Variants in MAPRE3 observed in about 807,000 individuals in gnomAD.
MAPRE3 encodes microtubule associated protein RP/EB family member 3.
In MAPRE3, 2 loss-of-function variants were observed where a neutral mutation model predicts 30.5. That is an observed-to-expected ratio of 0.07 (90% CI 0.03 to 0.21). MAPRE3 has a LOEUF of 0.21. Among genes scored for constraint, MAPRE3 ranks in the 10% least tolerant of loss-of-function variants. MAPRE3 has a pLI of 1.00. For missense variants in MAPRE3, 204 were observed against 351.8 expected, an observed-to-expected ratio of 0.58 and a Z score of 3.36; for synonymous variants, 110 against 127.7, an observed-to-expected ratio of 0.86 and a Z score of 0.93.
intron 1 of MAPRE3, among the ~76,000 whole-genome samples, chr2:26,979,127 C>T (rs1042912283): frequency 1.3e-5 from 2 of 152,186 alleles, no homozygotes; most frequent in Admixed American, 6.5e-5. Context: ...TGAAGACACA[C>T]TGGAGCTGGG....
chr2:27,021,680 C>T (rs541670585), intron 1 of MAPRE3, among the ~76,000 whole-genome samples: 1 of 152,298 alleles, frequency 6.6e-6, no homozygotes. Flanking sequence ...CATTGTGCCA[C>T]ACCCCAACAG....
intron 1 of MAPRE3, among the ~76,000 whole-genome samples, chr2:27,005,965 G>A (rs1457776169): frequency 6.6e-6 from 1 of 152,114 alleles, no homozygotes; most frequent in African/African-American, 2.4e-5. Context: ...GGCGGATCAC[G>A]AGGTCAGGAG....
chr2:26,977,949 C>T (rs545572672), intron 1 of MAPRE3, among the ~76,000 whole-genome samples: 1 of 152,360 alleles, frequency 6.6e-6, no homozygotes, highest in African/African-American at 2.4e-5. Flanking sequence ...AACATATGGC[C>T]TGTCACATAG....
Position 27,015,847 on chromosome 2 carries a change from C to T in MAPRE3, c.-7-6365C>T, listed in dbSNP as rs988637593. ...ATCGCCTGGGAAGGAAGCAGATGGT[C>T]TCTAGAAACCCTTCTGACCATGGGT... On this transcript the variant is annotated intron_variant, in intron 1 of 6. Coordinates refer to ENST00000233121, the MANE Select transcript of MAPRE3 (RefSeq NM_012326.4). This position sits in a 1 kb window ranked among gnomAD's most constrained non-coding sequence, Gnocchi z 4.0. 2.0e-5 allele frequency among the ~76,000 whole-genome samples: 3 copies of T among 152,170 alleles called. No individual in the cohort carries two copies. The highest frequency in any genetic ancestry group is 7.2e-5 in the African/African-American group (3 of 41,442).
intron 1 of MAPRE3, among the ~76,000 whole-genome samples, chr2:26,972,809 A>G (rs908036511): frequency 2.0e-5 from 3 of 152,242 alleles, no homozygotes; most frequent in African/African-American, 7.2e-5. Flanking sequence ...ACATTTTCAG[A>G]GGATCAGAGT....
chr2:26,998,025 G>T (rs1026780565), intron 1 of MAPRE3, among the ~76,000 whole-genome samples: 8 of 152,176 alleles, frequency 5.3e-5, no homozygotes, highest in Non-Finnish European at 1.2e-4. Flanking sequence ...TAGACATGCT[G>T]CCTTTAACCA....
In MAPRE3 at chr2:26,972,283, T is replaced by C. The variant is rs115085678; in HGVS notation, c.-8+1481T>C. 5.0e-3 allele frequency among the ~76,000 whole-genome samples: 763 copies of C among 152,352 alleles called. 6 individuals carry two copies. Among genetic ancestry groups the C allele is most frequent in the Non-Finnish European group, 8.1e-3 (554 of 68,032 alleles). On this transcript the variant is annotated intron_variant, in intron 1 of 6. Coordinates refer to ENST00000233121, the MANE Select transcript of MAPRE3 (RefSeq NM_012326.4). ...AATCATGGTGAAGGAGCCACTCATTTGGAGTTTCCGGGGTTGCAAACAATG... is the reference window on the plus strand; with the variant it reads ...AATCATGGTGAAGGAGCCACTCATTCGGAGTTTCCGGGGTTGCAAACAATG...
At chr2:26,987,376 C>CT (rs1666245621) in intron 1 of MAPRE3, among the ~76,000 whole-genome samples, 1 of 152,156 alleles carries the variant, frequency 6.6e-6, no homozygotes, top group Non-Finnish European at 1.5e-5. Context: ...GTGGCTCACG[C>CT]TTTTAATCCC....
At chr2:27,009,455 T>A (rs1208794597) in intron 1 of MAPRE3, among the ~76,000 whole-genome samples, 2 of 152,246 alleles carry the variant, frequency 1.3e-5, no homozygotes, top group African/African-American at 4.8e-5. Context: ...TAAAATCCTC[T>A]GCAGAATTAT....
At chr2:26,974,826 C>T (rs990737197) in intron 1 of MAPRE3, among the ~76,000 whole-genome samples, 1 of 152,222 alleles carries the variant, frequency 6.6e-6, no homozygotes, top group African/African-American at 2.4e-5. Context: ...AGAGTGCTTG[C>T]TTCATAAGAA....
intron 1 of MAPRE3, among the ~76,000 whole-genome samples, chr2:26,980,496 A>G (rs1666091954): frequency 6.6e-6 from 1 of 152,214 alleles, no homozygotes; most frequent in Non-Finnish European, 1.5e-5. Context: ...CATAATCCAT[A>G]TATTTGTAAC....
Position 27,026,472 on chromosome 2 carries a change from G to A in MAPRE3, c.*124G>A. On this transcript the variant is annotated 3_prime_UTR_variant, in exon 7 of 7. Transcript: ENST00000233121. Reference sequence around the variant, plus strand: ...CTTTGTGTCAGTGCTGCAGCACTGGGGAGCCAGGCGAGGGGGGCTTGGGGG... The same window carrying A: ...CTTTGTGTCAGTGCTGCAGCACTGGAGAGCCAGGCGAGGGGGGCTTGGGGG... 3 of 812,318 alleles carry A rather than the reference G, an allele frequency of 3.7e-6. No individual in the cohort carries two copies. Among genetic ancestry groups the A allele is most frequent in the Non-Finnish European group, 5.8e-6 (3 of 521,604 alleles). The allele number at this position is 812,318 out of a possible 1,614,324, so 50.3% of individuals were successfully genotyped here.
At chr2:27,001,767 T>C (rs902530681) in intron 1 of MAPRE3, among the ~76,000 whole-genome samples, 2 of 152,244 alleles carry the variant, frequency 1.3e-5, no homozygotes, top group Non-Finnish European at 2.9e-5. Context: ...CATAATCTTA[T>C]GGAACCACTG....
intron 2 of MAPRE3, 37 bp downstream of exon 2, chr2:27,022,376 A>G: frequency 6.2e-7 from 1 of 1,608,040 alleles, no homozygotes; most frequent in Non-Finnish European, 8.5e-7. Context: ...GCCCTGCTGG[A>G]AGGAAAGGAA....
intron 1 of MAPRE3, chr2:27,011,861 A>AAG (rs572873331): frequency 0.024 from 3,524 of 148,612 alleles, 83 homozygotes; most frequent in Middle Eastern, 0.054. Context: ...AAAAAAAAAA[A>AAG]AAAGAAAGAG....
chr2:26,993,142 G>A (rs1666383912), intron 1 of MAPRE3, among the ~76,000 whole-genome samples: 1 of 152,162 alleles, frequency 6.6e-6, no homozygotes, highest in African/African-American at 2.4e-5. Flanking sequence ...GCCAAGGTGG[G>A]CAGGTCACCT....
intron 1 of MAPRE3, among the ~76,000 whole-genome samples, chr2:26,976,467 A>G (rs1052186515): frequency 2.6e-5 from 4 of 152,174 alleles, no homozygotes; most frequent in African/African-American, 9.7e-5. Context: ...CAGTTAGCCA[A>G]GTTTCGTGAA....
chr2:26,981,322 A>C lies in MAPRE3; in HGVS notation c.-8+10520A>C, dbSNP rs559829856. On this transcript the variant is annotated intron_variant, in intron 1 of 6. Transcript: ENST00000233121. The stretch of plus-strand genomic sequence containing the variant: ...TCTGAGGAGTCAAAACTTAAGATGC[A>C]GTGAAGTAGCTGGCCCTAAGGCCGG... Among the ~76,000 whole-genome samples the C allele has an allele frequency of 4.6e-5, 7 of 152,160 alleles. No homozygotes were observed. The South Asian group carries it at 1.5e-3, about 32-fold the overall frequency.
At chr2:26,973,156 A>G (rs1665946118) in intron 1 of MAPRE3, among the ~76,000 whole-genome samples, 1 of 152,262 alleles carries the variant, frequency 6.6e-6, no homozygotes, top group South Asian at 2.1e-4. Flanking sequence ...TCCTCATTTT[A>G]GAAACATTAA....
Sources: gnomAD v4.1 joint callset for allele counts (sites outside exome capture counted in the v4.1 genomes callset) on GRCh38, gnomAD v4.1.1 for gene constraint, Gnocchi (gnomAD v3.1) non-coding constraint, MANE v1.5 for transcripts, NCBI Gene and HGNC (gene_info 2026-07-23, HGNC 2026-07-21) for gene names.